TMEM132C: variants seen among roughly 807,000 people sequenced by gnomAD.
The protein encoded by TMEM132C is protein phosphatase 1, regulatory subunit 152.
TMEM132C carries 29 observed loss-of-function variants against 61.4 expected under a neutral mutation model. That is an observed-to-expected ratio of 0.47 (90% CI 0.35 to 0.64). TMEM132C has a LOEUF of 0.64. Ranked by LOEUF, TMEM132C falls within the 30% of genes least tolerant of loss-of-function variation. The pLI, the probability that TMEM132C is intolerant of heterozygous loss-of-function variation, is 0.00. For missense variants in TMEM132C, 1,408 were observed against 1,476.9 expected, an observed-to-expected ratio of 0.95 and a Z score of 0.76; for synonymous variants, 656 against 633.1, an observed-to-expected ratio of 1.04 and a Z score of -0.54.
chr12:128,458,928 G>A (rs190198127), intron 2 of TMEM132C, among the ~76,000 whole-genome samples: 42 of 152,308 alleles, frequency 2.8e-4, no homozygotes, highest in African/African-American at 7.7e-4. Context: ...GTAGTTTTTC[G>A]TTGACATTAA....
chr12:128,369,450 A>G (rs950818917), intron 1 of TMEM132C, among the ~76,000 whole-genome samples: 15 of 152,210 alleles, frequency 9.9e-5, no homozygotes, highest in Non-Finnish European at 1.5e-5. Context: ...TTCCCATTTT[A>G]CAGCTGAGAA....
At chr12:128,279,595 G>T (rs1190129816) in intron 1 of TMEM132C, among the ~76,000 whole-genome samples, 2 of 152,018 alleles carry the variant, frequency 1.3e-5, no homozygotes, top group African/African-American at 4.8e-5. Context: ...CTGCTTGCTG[G>T]GCTCACCACC....
intron 2 of TMEM132C, among the ~76,000 whole-genome samples, chr12:128,496,934 T>G (rs939788909): frequency 5.9e-5 from 9 of 152,252 alleles, no homozygotes; most frequent in African/African-American, 2.2e-4. Context: ...TCAGCTTTTC[T>G]GCTCTGTTTT....
At chr12:128,312,064 C>G (rs1347597719) in intron 1 of TMEM132C, among the ~76,000 whole-genome samples, 1 of 152,200 alleles carries the variant, frequency 6.6e-6, no homozygotes, top group Non-Finnish European at 1.5e-5. Context: ...CTCTTCAGGG[C>G]AGCCGGCTGG....
At chr12:128,460,913 C>G (rs78798163) in intron 2 of TMEM132C, among the ~76,000 whole-genome samples, 1,948 of 152,208 alleles carry the variant, frequency 0.013, 43 homozygotes, top group African/African-American at 0.044. Context: ...GAGGCAGCCC[C>G]CAGCTACCCA....
chr12:128,331,911 A>T (rs1227680020), intron 1 of TMEM132C, among the ~76,000 whole-genome samples: 3 of 152,210 alleles, frequency 2.0e-5, no homozygotes, highest in Admixed American at 2.0e-4. Flanking sequence ...ACCACAAGCA[A>T]CAAAGTTGCT....
At chr12:128,433,194 C>CA (rs796378451) in intron 2 of TMEM132C, among the ~76,000 whole-genome samples, 171 of 147,538 alleles carry the variant, frequency 1.2e-3, no homozygotes, top group African/African-American at 3.1e-3. Flanking sequence ...CACTGGGAAA[C>CA]AAAAAAAAAA....
chr12:128,382,345 G>A (rs1469500210), intron 1 of TMEM132C, among the ~76,000 whole-genome samples: 2 of 152,158 alleles, frequency 1.3e-5, no homozygotes, highest in African/African-American at 4.8e-5. Flanking sequence ...AAAAACACAA[G>A]GTATTTTTAA....
At chr12:128,385,776 C>T (rs1351336445) in intron 1 of TMEM132C, among the ~76,000 whole-genome samples, 1 of 152,216 alleles carries the variant, frequency 6.6e-6, no homozygotes, top group Non-Finnish European at 1.5e-5. Flanking sequence ...GCATAAAACA[C>T]AACCCATCAA....
intron 2 of TMEM132C, among the ~76,000 whole-genome samples, chr12:128,530,678 C>T (rs1431702157): frequency 2.0e-5 from 3 of 152,128 alleles, no homozygotes; most frequent in Admixed American, 1.3e-4. Flanking sequence ...CTAATGACCT[C>T]GTGATCCACC....
In TMEM132C at chr12:128,524,276, G is replaced by A. The variant is rs571547518; in HGVS notation, c.975-19681G>A. On this transcript the variant is annotated intron_variant, in intron 2 of 8. Transcript: ENST00000435159. ...TGTAGCATACAATCCTAGTCAGCAT[G>A]TAACACGATGGCATTGGGAGTGTGC... 2.6e-5 allele frequency among the ~76,000 whole-genome samples: 4 copies of A among 152,306 alleles called. No individual in the cohort carries two copies. In the South Asian group the frequency reaches 8.3e-4, roughly 32 times the overall value.
intron 2 of TMEM132C, among the ~76,000 whole-genome samples, chr12:128,491,866 T>A (rs900924924): frequency 2.0e-5 from 3 of 147,674 alleles, no homozygotes; most frequent in South Asian, 2.1e-4. Context: ...TTTTTTTTTT[T>A]ATACTTTAAG....
intron 1 of TMEM132C, among the ~76,000 whole-genome samples, chr12:128,389,309 A>T (rs1320770974): frequency 6.6e-6 from 1 of 152,152 alleles, no homozygotes; most frequent in Non-Finnish European, 1.5e-5. Flanking sequence ...AAAAACAAAG[A>T]TCATTTTGGA....
At chr12:128,467,957 G>GT (rs1401221874) in intron 2 of TMEM132C, among the ~76,000 whole-genome samples, 2 of 152,204 alleles carry the variant, frequency 1.3e-5, no homozygotes, top group Admixed American at 1.3e-4. Flanking sequence ...GGTCATACAG[G>GT]TATGTGAACC....
chr12:128,466,926 G>A (rs1173090021), intron 2 of TMEM132C, among the ~76,000 whole-genome samples: 2 of 152,182 alleles, frequency 1.3e-5, no homozygotes, highest in Non-Finnish European at 2.9e-5. Flanking sequence ...GTGCTGAGGG[G>A]AGGTATTTCT....
In TMEM132C at chr12:128,601,325, G is replaced by A. The variant is rs111232422; in HGVS notation, c.1122-14827G>A. On this transcript the variant is annotated intron_variant, in intron 3 of 8. Transcript: ENST00000435159. Reference sequence around the variant, plus strand: ...GAAAAGTGTGACTGTCGGGGCACTCGGCTCCTGGCGCAATCACCCAGTCAT... The same window carrying A: ...GAAAAGTGTGACTGTCGGGGCACTCAGCTCCTGGCGCAATCACCCAGTCAT... Among the ~76,000 whole-genome samples, 937 of 152,270 alleles carry A rather than the reference G, an allele frequency of 6.2e-3. 6 individuals carry two copies. Among genetic ancestry groups the A allele is most frequent in the Middle Eastern group, 0.017 (5 of 294 alleles).
chr12:128,630,909 G>C lies in TMEM132C; in HGVS notation c.1305+14574G>C. On this transcript the variant is annotated intron_variant, in intron 4 of 8. Transcript: ENST00000435159. This position sits in a 1 kb window ranked among gnomAD's most constrained non-coding sequence, Gnocchi z 4.3. ...TAGTCGGGCATGGTGGTATGTGCCTGTATTCCCAGCTACTCAGGAGGCTGA... is the reference window on the plus strand; with the variant it reads ...TAGTCGGGCATGGTGGTATGTGCCTCTATTCCCAGCTACTCAGGAGGCTGA... 6.6e-6 allele frequency among the ~76,000 whole-genome samples: 1 copy of C among 152,216 alleles called. No individual in the cohort carries two copies. The highest frequency in any genetic ancestry group is 3.4e-3 in the Middle Eastern group (1 of 294).
chr12:128,367,795 T>C (rs997332551), intron 1 of TMEM132C, among the ~76,000 whole-genome samples: 2 of 152,202 alleles, frequency 1.3e-5, no homozygotes, highest in Non-Finnish European at 2.9e-5. Flanking sequence ...GTTCAAATGA[T>C]AATATTTTTG....
At chr12:128,701,828 GT>G (rs1338716112) in intron 8 of TMEM132C, among the ~76,000 whole-genome samples, 1 of 151,592 alleles carries the variant, frequency 6.6e-6, no homozygotes, top group Admixed American at 6.6e-5. Context: ...CAGTGACTGT[GT>G]TTTTCATTTC....
Sources: gnomAD v4.1 joint callset for allele counts (sites outside exome capture counted in the v4.1 genomes callset) on GRCh38, gnomAD v4.1.1 for gene constraint, Gnocchi (gnomAD v3.1) non-coding constraint, MANE v1.5 for transcripts, NCBI Gene and HGNC (gene_info 2026-07-23, HGNC 2026-07-21) for gene names.